Variants in RBFOX1 observed in about 807,000 individuals in gnomAD.
RBFOX1 encodes the protein RNA binding protein fox-1 homolog 1.
In RBFOX1, 8 loss-of-function variants were observed where a neutral mutation model predicts 57.7. That is an observed-to-expected ratio of 0.14 (90% CI 0.08 to 0.25). The LOEUF (loss-of-function observed/expected upper bound fraction) is 0.25. Ranked by LOEUF, RBFOX1 falls within the 10% of genes least tolerant of loss-of-function variation. The pLI is 1.00. For synonymous variants in RBFOX1, 326 were observed against 222.4 expected (o/e 1.47, Z -4.15); for missense variants, 611 against 548.5 (o/e 1.11, Z -1.14).
intron 2 of RBFOX1, among the ~76,000 whole-genome samples, chr16:6,393,064 C>G (rs888541889): frequency 1.3e-5 from 2 of 152,214 alleles, no homozygotes; most frequent in African/African-American, 4.8e-5. Context: ...AAATGGGGCA[C>G]TCTGCCATAC....
intron 4 of RBFOX1, among the ~76,000 whole-genome samples, chr16:7,323,250 C>A (rs528726092): frequency 2.6e-5 from 4 of 152,222 alleles, no homozygotes; most frequent in African/African-American, 9.6e-5. Flanking sequence ...CAGCGAGACC[C>A]CCATCTCTGA....
chr16:6,407,306 T>C (rs1402902416), intron 2 of RBFOX1, among the ~76,000 whole-genome samples: 2 of 152,190 alleles, frequency 1.3e-5, no homozygotes, highest in Non-Finnish European at 2.9e-5. Flanking sequence ...AATATGTACA[T>C]ATACATTTTC....
intron 3 of RBFOX1, among the ~76,000 whole-genome samples, chr16:6,984,685 G>T (rs1407987064): frequency 6.6e-6 from 1 of 152,102 alleles, no homozygotes; most frequent in Non-Finnish European, 1.5e-5. Context: ...CTGTTGACCA[G>T]GCTGGAGTGC....
chr16:7,307,563 G>T (rs1472704898), intron 4 of RBFOX1, among the ~76,000 whole-genome samples: 1 of 152,192 alleles, frequency 6.6e-6, no homozygotes, highest in Non-Finnish European at 1.5e-5. Context: ...CTAGATAAGT[G>T]TTTACTTACA....
intron 1 of RBFOX1, among the ~76,000 whole-genome samples, chr16:6,102,120 CA>C: frequency 6.8e-6 from 1 of 147,618 alleles, no homozygotes; most frequent in South Asian, 2.2e-4. Context: ...GTATTCTGAA[CA>C]GCAGTATGAG....
At chr16:5,629,252 C>T (rs922923750) in intron 3 of RBFOX1, among the ~76,000 whole-genome samples, 1 of 152,206 alleles carries the variant, frequency 6.6e-6, no homozygotes, top group Non-Finnish European at 1.5e-5. Flanking sequence ...CCTACTCCTC[C>T]ATCTTCTAAG....
At chr16:7,345,748 T>C (rs1420469832) in intron 4 of RBFOX1, among the ~76,000 whole-genome samples, 1 of 152,234 alleles carries the variant, frequency 6.6e-6, no homozygotes, top group Non-Finnish European at 1.5e-5. Context: ...GATTCTTATC[T>C]GTCCAAACAG....
At chr16:5,535,531 G>T (rs1330069774) in intron 2 of RBFOX1, among the ~76,000 whole-genome samples, 2 of 152,166 alleles carry the variant, frequency 1.3e-5, no homozygotes, top group Non-Finnish European at 2.9e-5. Flanking sequence ...AAATTTCCTA[G>T]TTTCCAGCCC....
intron 1 of RBFOX1, among the ~76,000 whole-genome samples, chr16:5,278,822 C>T (rs918730324): frequency 6.6e-6 from 1 of 152,188 alleles, no homozygotes; most frequent in African/African-American, 2.4e-5. Context: ...TCTAGTTTTC[C>T]TGGCACCATT....
At chr16:6,550,731 A>C (rs1013313083) in intron 2 of RBFOX1, among the ~76,000 whole-genome samples, 5 of 152,204 alleles carry the variant, frequency 3.3e-5, no homozygotes, top group African/African-American at 1.2e-4. Flanking sequence ...TACTTCATAA[A>C]ATACTTTGTA....
intron 4 of RBFOX1, among the ~76,000 whole-genome samples, chr16:7,135,871 G>A (rs1305800172): frequency 6.6e-6 from 1 of 152,184 alleles, no homozygotes; most frequent in Non-Finnish European, 1.5e-5. Context: ...ATAATTCAAA[G>A]AAAGCTCTGT....
At chr16:6,533,229 T>A (rs2096685095) in intron 2 of RBFOX1, among the ~76,000 whole-genome samples, 3 of 152,232 alleles carry the variant, frequency 2.0e-5, no homozygotes, top group Admixed American at 1.3e-4. Context: ...ACAGGATTCT[T>A]GATTGTCTGC....
At chr16:6,358,361 C>T (rs1249600364) in intron 2 of RBFOX1, among the ~76,000 whole-genome samples, 2 of 152,182 alleles carry the variant, frequency 1.3e-5, no homozygotes, top group African/African-American at 4.8e-5. Context: ...TTTACCTTCT[C>T]TTCATGTAAG....
chr16:7,210,759 A>C (rs1202308215), intron 4 of RBFOX1, among the ~76,000 whole-genome samples: 3 of 152,118 alleles, frequency 2.0e-5, no homozygotes, highest in African/African-American at 7.2e-5. Flanking sequence ...AGGGAGGTTA[A>C]ATGACATGTC....
chr16:7,225,905 A>AATAAATAAATAAAT (rs66510060), intron 4 of RBFOX1, among the ~76,000 whole-genome samples: 1 of 93,752 alleles, frequency 1.1e-5, no homozygotes, highest in Non-Finnish European at 2.2e-5. Context: ...AAGTATAATA[A>AATAAATAAATAAAT]ATATATATAT....
chr16:7,617,963 A>C (rs4787049), intron 10 of RBFOX1, among the ~76,000 whole-genome samples: 113,118 of 151,660 alleles, frequency 0.75, 43,677 homozygotes, highest in East Asian at 0.98. Flanking sequence ...GTAGGGTCCC[A>C]AGCTGTTTCT....
chr16:6,021,543 A>T (rs972820643), intron 1 of RBFOX1, among the ~76,000 whole-genome samples: 21 of 152,318 alleles, frequency 1.4e-4, no homozygotes, highest in African/African-American at 4.8e-4. Flanking sequence ...GCTGACTCAA[A>T]ACCTGTGTCC....
chr16:5,820,448 G>T (rs1550137), intron 3 of RBFOX1, among the ~76,000 whole-genome samples: 1 of 152,062 alleles, frequency 6.6e-6, no homozygotes, highest in South Asian at 2.1e-4. Context: ...GGACCGTGCC[G>T]GGATTGATCA....
chr16:5,942,435 A>C (rs2059301808), intron 4 of RBFOX1, among the ~76,000 whole-genome samples: 1 of 152,030 alleles, frequency 6.6e-6, no homozygotes, highest in Non-Finnish European at 1.5e-5. Context: ...GAAATGCAAA[A>C]CTCTGAAAAG....
Sources: gnomAD v4.1 joint callset for allele counts (sites outside exome capture counted in the v4.1 genomes callset) on GRCh38, gnomAD v4.1.1 for gene constraint, MANE v1.5 for transcripts, NCBI Gene and HGNC (gene_info 2026-07-23, HGNC 2026-07-21) for gene names.